Variants in PLPPR1 observed in about 807,000 individuals in gnomAD.
PLPPR1 encodes the protein phospholipid phosphatase-related protein type 1.
Under a neutral mutation model 33.1 loss-of-function variants are expected in PLPPR1, and 10 were observed. The observed-to-expected ratio is 0.30, with a 90% CI of 0.19 to 0.51. The LOEUF (loss-of-function observed/expected upper bound fraction) is 0.51, where lower values mean the gene tolerates loss of function less well. PLPPR1 is among the 20% of genes least tolerant of loss of function. PLPPR1 has a pLI of 0.97. For synonymous variants in PLPPR1, 151 were observed against 151.0 expected (o/e 1.00, Z 0.00); for missense variants, 304 against 408.1 (o/e 0.74, Z 2.20).
intron 4 of PLPPR1, among the ~76,000 whole-genome samples, chr9:101,296,600 C>T (rs923755588): frequency 6.6e-6 from 1 of 152,144 alleles, no homozygotes; most frequent in Admixed American, 6.5e-5. Flanking sequence ...ACATATACAC[C>T]ATGGAATACT....
chr9:101,232,239 C>A (rs944664526), intron 2 of PLPPR1, among the ~76,000 whole-genome samples: 13 of 151,922 alleles, frequency 8.6e-5, no homozygotes, highest in Admixed American at 1.3e-4. Context: ...CTTTGCAGGT[C>A]TTTGAGCCTC....
At chr9:101,185,279 T>C in intron 1 of PLPPR1, 171 bp from the exon 2 acceptor site, 1 of 444,924 alleles carries the variant, frequency 2.2e-6, no homozygotes, top group East Asian at 3.5e-5. Flanking sequence ...ATTTGCTTTT[T>C]ATTGGAATGA....
In PLPPR1 at chr9:101,194,128, C is replaced by T. The variant is rs148177074; in HGVS notation, c.63+8571C>T. Among the ~76,000 whole-genome samples the T allele has an allele frequency of 3.4e-3, 513 of 152,230 alleles. 3 individuals carry two copies. The highest frequency in any genetic ancestry group is 0.011 in the African/African-American group (466 of 41,550). ...GCTGATAATCAGAAAACTCCTTTGA[C>T]GTCTATAACTGTTAAGTAACATTCT... On this transcript the variant is annotated intron_variant, in intron 2 of 7. Transcript: ENST00000374874.
rs767893316 is a variant in PLPPR1, at chr9:101,270,111, A to G, written c.252+43A>G. ...CTTTCCTCTTTATTGTCAGATACCCAAGAATATTTTCTGTCTGCTTTTTCT... is the reference window on the plus strand; with the variant it reads ...CTTTCCTCTTTATTGTCAGATACCCGAGAATATTTTCTGTCTGCTTTTTCT... On this transcript the variant is annotated intron_variant, in intron 3 of 7. Transcript: ENST00000374874. 8.8e-6 allele frequency: 14 copies of G among 1,591,750 alleles called. No individual in the cohort carries two copies. The South Asian group carries it at 1.6e-4, about 18-fold the overall frequency.
chr9:101,042,990 A>G (rs1266587343), intron 1 of PLPPR1, among the ~76,000 whole-genome samples: 5 of 151,962 alleles, frequency 3.3e-5, no homozygotes, highest in Non-Finnish European at 7.4e-5. Flanking sequence ...TTTAGTGATG[A>G]CTTTGGTTTG....
chr9:101,268,979 C>A (rs569294205), intron 2 of PLPPR1, among the ~76,000 whole-genome samples: 1 of 152,124 alleles, frequency 6.6e-6, no homozygotes, highest in Non-Finnish European at 1.5e-5. Flanking sequence ...CTAAGATATC[C>A]CCCAGCTTAA....
At chr9:101,293,270 G>A (rs1298423635) in intron 4 of PLPPR1, among the ~76,000 whole-genome samples, 2 of 151,434 alleles carry the variant, frequency 1.3e-5, no homozygotes, top group African/African-American at 2.5e-5. Context: ...AAATATATAT[G>A]CACCCAATAC....
intron 1 of PLPPR1, among the ~76,000 whole-genome samples, chr9:101,100,062 G>A (rs372242767): frequency 6.6e-6 from 1 of 151,904 alleles, no homozygotes; most frequent in Non-Finnish European, 1.5e-5. Flanking sequence ...TCTGACATAC[G>A]GTCAGAGGGG....
At chr9:101,185,702 A>G (rs1826191928) in intron 2 of PLPPR1, 145 bp downstream of exon 2, 4 of 562,598 alleles carry the variant, frequency 7.1e-6, no homozygotes, top group Admixed American at 3.6e-5. Context: ...TTAATAAACT[A>G]TGCAAAGTGT....
At chr9:101,196,398 A>G (rs991945172) in intron 2 of PLPPR1, among the ~76,000 whole-genome samples, 5 of 152,322 alleles carry the variant, frequency 3.3e-5, no homozygotes, top group African/African-American at 1.2e-4. Context: ...AACACTCCTA[A>G]TAATCTATCT....
chr9:101,107,858 G>A (rs1830994936), intron 1 of PLPPR1, among the ~76,000 whole-genome samples: 1 of 151,028 alleles, frequency 6.6e-6, no homozygotes, highest in African/African-American at 2.5e-5. Flanking sequence ...GTGGTGCGCC[G>A]TTTTTTAAGC....
intron 4 of PLPPR1, among the ~76,000 whole-genome samples, chr9:101,287,785 G>A (rs1005287940): frequency 6.6e-6 from 1 of 152,124 alleles, no homozygotes; most frequent in Non-Finnish European, 1.5e-5. Flanking sequence ...ACAGACATGA[G>A]CCACTGTGCC....
intron 2 of PLPPR1, among the ~76,000 whole-genome samples, chr9:101,206,698 G>A (rs1269032174): frequency 6.6e-6 from 1 of 152,090 alleles, no homozygotes; most frequent in African/African-American, 2.4e-5. Flanking sequence ...ACCTAGGTAG[G>A]TTTTCCTGTT....
chr9:101,110,576 A>T (rs1831043695), intron 1 of PLPPR1, among the ~76,000 whole-genome samples: 3 of 152,184 alleles, frequency 2.0e-5, no homozygotes, highest in Admixed American at 2.0e-4. Flanking sequence ...ATGAGCCATG[A>T]TATATCCAGG....
intron 1 of PLPPR1, among the ~76,000 whole-genome samples, chr9:101,037,534 G>T (rs1217357265): frequency 6.6e-6 from 1 of 152,064 alleles, no homozygotes; most frequent in African/African-American, 2.4e-5. Flanking sequence ...TAATCAAGTG[G>T]AATCAGATAC....
intron 1 of PLPPR1, among the ~76,000 whole-genome samples, chr9:101,078,329 T>C (rs910196731): frequency 1.1e-4 from 17 of 150,306 alleles, no homozygotes; most frequent in Admixed American, 1.1e-3. Context: ...CTGTTCAGAG[T>C]AGAATGCAGA....
intron 2 of PLPPR1, among the ~76,000 whole-genome samples, chr9:101,217,064 C>A (rs1234637790): frequency 6.6e-6 from 1 of 151,966 alleles, no homozygotes; most frequent in Non-Finnish European, 1.5e-5. Context: ...AGTAGATTAG[C>A]GTATAACCCA....
intron 1 of PLPPR1, among the ~76,000 whole-genome samples, chr9:101,170,900 A>T (rs1425004014): frequency 6.6e-6 from 1 of 152,146 alleles, no homozygotes; most frequent in African/African-American, 2.4e-5. Flanking sequence ...TGATTGCATC[A>T]CTGCACTCCA....
At chr9:101,278,418 T>C (rs1405255130) in intron 3 of PLPPR1, among the ~76,000 whole-genome samples, 1 of 152,102 alleles carries the variant, frequency 6.6e-6, no homozygotes, top group Non-Finnish European at 1.5e-5. Context: ...TAGTAATACC[T>C]TCACAAGAGC....
Sources: gnomAD v4.1 joint callset for allele counts (sites outside exome capture counted in the v4.1 genomes callset) on GRCh38, gnomAD v4.1.1 for gene constraint, MANE v1.5 for transcripts, NCBI Gene and HGNC (gene_info 2026-07-23, HGNC 2026-07-21) for gene names.